Variants in UBN2 observed in about 807,000 individuals in gnomAD.
The protein encoded by UBN2 is ubinuclein-2.
UBN2 carries 35 observed loss-of-function variants against 120.2 expected under a neutral mutation model. The ratio of observed to expected loss-of-function variants is 0.29; its 90% CI spans 0.22 to 0.39. The LOEUF (loss-of-function observed/expected upper bound fraction) is 0.39. Among genes scored for constraint, UBN2 ranks in the 10% least tolerant of loss-of-function variants. The pLI, the probability that UBN2 is intolerant of heterozygous loss-of-function variation, is 1.00. For missense variants in UBN2, 1,693 were observed against 1,663.2 expected, an observed-to-expected ratio of 1.02 and a Z score of -0.31; for synonymous variants, 661 against 648.7, an observed-to-expected ratio of 1.02 and a Z score of -0.29.
In UBN2 at chr7:139,305,026, C is replaced by CT. The variant is rs1798336080; in HGVS notation, c.*7193dup. 7 of 152,254 alleles carry CT rather than the reference C, an allele frequency of 4.6e-5. No homozygotes were observed. In the South Asian group the frequency reaches 1.4e-3, roughly 32 times the overall value. The allele number at this position is 152,254 out of a possible 1,614,324, so 9.4% of individuals were successfully genotyped here. ...TGTATTCAAAAACTATCTACAGATG[C>CT]TTTCACTGGTGCAAAGCTGTAGTTA... On this transcript the variant is annotated 3_prime_UTR_variant, in exon 18 of 18. Coordinates refer to ENST00000473989, the MANE Select transcript of UBN2 (RefSeq NM_173569.4).
At chr7:139,309,687 A>G (rs560868153), downstream of UBN2, among the ~76,000 whole-genome samples, 29 of 152,342 alleles carry the variant, frequency 1.9e-4, no homozygotes, top group Admixed American at 9.1e-4. Context: ...CCTGACCAAC[A>G]TGGAGAAACC....
chr7:139,316,779 GTA>G, the UBN2 span, among the ~76,000 whole-genome samples: 2 of 151,720 alleles, frequency 1.3e-5, no homozygotes, highest in African/African-American at 4.8e-5. Context: ...GTGTGTGTGT[GTA>G]TATATATATA....
At chr7:139,254,993 G>A (rs907261243) in intron 3 of UBN2, among the ~76,000 whole-genome samples, 5 of 152,112 alleles carry the variant, frequency 3.3e-5, no homozygotes, top group African/African-American at 1.2e-4. Context: ...TCATTCTTGG[G>A]GTTGTACACT....
chr7:139,291,641 A>G (rs938625604), intron 15 of UBN2, among the ~76,000 whole-genome samples: 3 of 152,050 alleles, frequency 2.0e-5, no homozygotes, highest in African/African-American at 7.2e-5. Context: ...GCTGGAGCCC[A>G]GAAGTTGGAG....
intron 17 of UBN2, 49 bp downstream of exon 17, chr7:139,294,030 G>A (rs1403574526): frequency 1.9e-6 from 3 of 1,559,936 alleles, no homozygotes; most frequent in South Asian, 2.2e-5. Flanking sequence ...TAGGCTTATA[G>A]ATATGGATTA....
At chr7:139,317,628 A>G in the UBN2 span, among the ~76,000 whole-genome samples, 5 of 151,456 alleles carry the variant, frequency 3.3e-5, no homozygotes, top group Non-Finnish European at 7.4e-5. Flanking sequence ...GCTGATTTAG[A>G]TCATTATTCA....
chr7:139,270,373 A>G (rs1371995178), intron 8 of UBN2, among the ~76,000 whole-genome samples: 5 of 151,478 alleles, frequency 3.3e-5, no homozygotes, highest in Non-Finnish European at 5.9e-5. Flanking sequence ...GGTTCAAGCA[A>G]TTCTCCTGTC....
chr7:139,267,153 A>G (rs1168716523), intron 7 of UBN2, among the ~76,000 whole-genome samples: 1 of 152,248 alleles, frequency 6.6e-6, no homozygotes, highest in Non-Finnish European at 1.5e-5. Context: ...AAAAGTAATC[A>G]TGAGGAAAAT....
intron 5 of UBN2, among the ~76,000 whole-genome samples, chr7:139,259,984 G>T (rs1796882056): frequency 6.6e-6 from 1 of 152,072 alleles, no homozygotes; most frequent in South Asian, 2.1e-4. Context: ...GGCCAGGCTG[G>T]TCTCAAACTC....
chr7:139,257,979 G>A (rs969443552), intron 3 of UBN2, among the ~76,000 whole-genome samples: 8 of 152,114 alleles, frequency 5.3e-5, no homozygotes, highest in Non-Finnish European at 5.9e-5. Flanking sequence ...TCACCATGTT[G>A]GCCAGGCTGG....
chr7:139,282,981 T>G, intron 14 of UBN2, 43 bp from the exon 15 acceptor site: 1 of 1,395,488 alleles, frequency 7.2e-7, no homozygotes, highest in South Asian at 1.6e-5. Flanking sequence ...TGTAATTTTT[T>G]ATTCACCATT....
chr7:139,239,815 C>T (rs1432040708), intron 2 of UBN2, among the ~76,000 whole-genome samples: 1 of 152,150 alleles, frequency 6.6e-6, no homozygotes, highest in Non-Finnish European at 1.5e-5. Context: ...CTTGGCCTCC[C>T]AAAATGTTGG....
chr7:139,246,043 TA>T (rs1796459480), intron 2 of UBN2, among the ~76,000 whole-genome samples: 1 of 152,258 alleles, frequency 6.6e-6, no homozygotes, highest in African/African-American at 2.4e-5. Flanking sequence ...TTCCAAATAT[TA>T]ATTAGGTGGT....
At chr7:139,297,710 G>A (rs1798148994) in intron 17 of UBN2, 77 bp from the exon 18 acceptor site, 2 of 1,340,092 alleles carry the variant, frequency 1.5e-6, no homozygotes, top group Admixed American at 1.8e-5. Flanking sequence ...AAAGTTAATT[G>A]TTGTTTTTGC....
the UBN2 span, among the ~76,000 whole-genome samples, chr7:139,314,291 C>T: frequency 6.6e-6 from 1 of 151,102 alleles, no homozygotes; most frequent in African/African-American, 2.4e-5. Context: ...CCCATCTCTA[C>T]TAAAAATACA....
chr7:139,309,059 C>T (rs1372168253), downstream of UBN2, among the ~76,000 whole-genome samples: 1 of 152,106 alleles, frequency 6.6e-6, no homozygotes, highest in Non-Finnish European at 1.5e-5. Context: ...GAGCGAGACT[C>T]CGTCTCAACA....
At chr7:139,316,555 C>G in the UBN2 span, among the ~76,000 whole-genome samples, 116 of 152,232 alleles carry the variant, frequency 7.6e-4, no homozygotes, top group African/African-American at 2.6e-3. Flanking sequence ...ATCAGCTTGG[C>G]CAACACGGTG....
chr7:139,290,338 A>G (rs975541925), intron 15 of UBN2, among the ~76,000 whole-genome samples: 3 of 152,208 alleles, frequency 2.0e-5, no homozygotes, highest in Non-Finnish European at 4.4e-5. Flanking sequence ...TACCCATTTT[A>G]TATATTGTGG....
At chr7:139,325,576 C>T in the UBN2 span, among the ~76,000 whole-genome samples, 3 of 152,174 alleles carry the variant, frequency 2.0e-5, no homozygotes, top group Non-Finnish European at 2.9e-5. Flanking sequence ...GCCGAAATCA[C>T]TGCTTTCAGA....
Sources: allele counts gnomAD v4.1 joint callset (sites outside exome capture counted in the v4.1 genomes callset), GRCh38; gene constraint gnomAD v4.1.1; transcripts MANE v1.5; gene names NCBI Gene and HGNC (gene_info 2026-07-23, HGNC 2026-07-21).